The following GALNT7 variants were observed in gnomAD, a reference collection of about 807,000 sequenced individuals.
The protein encoded by GALNT7 is polypeptide N-acetylgalactosaminyltransferase 7.
A neutral mutation model predicts 82.1 loss-of-function variants in GALNT7; 60 were observed. The ratio of observed to expected loss-of-function variants is 0.73; its 90% CI spans 0.59 to 0.91. GALNT7 has a LOEUF of 0.91. Among genes scored for constraint, GALNT7 ranks in the 40% least tolerant of loss-of-function variants. GALNT7 has a pLI of 0.00. For missense variants in GALNT7, 660 were observed against 804.2 expected, an observed-to-expected ratio of 0.82 and a Z score of 2.17; for synonymous variants, 243 against 275.1, an observed-to-expected ratio of 0.88 and a Z score of 1.15.
chr4:173,241,517 T>C (rs1317131906), intron 1 of GALNT7, among the ~76,000 whole-genome samples: 1 of 152,214 alleles, frequency 6.6e-6, no homozygotes, highest in Non-Finnish European at 1.5e-5. Context: ...AATCCTAAGA[T>C]TGGTTAACAA....
intron 2 of GALNT7, among the ~76,000 whole-genome samples, chr4:173,286,092 T>C (rs1353098501): frequency 6.6e-6 from 1 of 152,184 alleles, no homozygotes; most frequent in Non-Finnish European, 1.5e-5. Context: ...CTTTTACATA[T>C]ACCCATAGCT....
At chr4:173,293,076 A>G (rs1029039458) in intron 3 of GALNT7, among the ~76,000 whole-genome samples, 5 of 152,206 alleles carry the variant, frequency 3.3e-5, no homozygotes, top group African/African-American at 4.8e-5. Context: ...ATGAACAAAA[A>G]TCTAAATGTA....
chr4:173,242,566 C>T (rs932807930), intron 1 of GALNT7, among the ~76,000 whole-genome samples: 1 of 152,218 alleles, frequency 6.6e-6, no homozygotes, highest in Non-Finnish European at 1.5e-5. Flanking sequence ...ATTCCTTGAC[C>T]ATGCCCAGCA....
At chr4:173,233,111 C>A (rs1734090502) in intron 1 of GALNT7, among the ~76,000 whole-genome samples, 1 of 152,182 alleles carries the variant, frequency 6.6e-6, no homozygotes, top group South Asian at 2.1e-4. Flanking sequence ...TGTATACATA[C>A]CACATTTTCT....
chr4:173,287,809 T>C (rs918323214), intron 2 of GALNT7, among the ~76,000 whole-genome samples: 1 of 152,200 alleles, frequency 6.6e-6, no homozygotes, highest in Non-Finnish European at 1.5e-5. Flanking sequence ...GGAGAGATTG[T>C]ATTTGGGCAA....
intron 11 of GALNT7, 146 bp from the exon 12 acceptor site, chr4:173,321,434 A>G (rs527497508): frequency 4.9e-6 from 3 of 614,814 alleles, no homozygotes; most frequent in African/African-American, 3.7e-5. Flanking sequence ...AAAACTGACA[A>G]TCAAGAGAAA....
chr4:173,200,916 A>T (rs921015703), intron 1 of GALNT7, among the ~76,000 whole-genome samples: 5 of 152,212 alleles, frequency 3.3e-5, no homozygotes, highest in African/African-American at 1.2e-4. Context: ...GAGATTTATC[A>T]CTGAAAAGAT....
chr4:173,265,312 T>C (rs974074119), intron 2 of GALNT7, among the ~76,000 whole-genome samples: 3 of 152,336 alleles, frequency 2.0e-5, no homozygotes, highest in East Asian at 1.9e-4. Context: ...TTGCCTGACA[T>C]ACTAAGAAGT....
chr4:173,321,510 A>G, intron 11 of GALNT7, 70 bp from the exon 12 acceptor site: 1 of 1,065,044 alleles, frequency 9.4e-7, no homozygotes, highest in Non-Finnish European at 1.4e-6. Context: ...ATGAAAGTCA[A>G]GTGATGATTT....
At chr4:173,184,487 A>AC (rs1157493588) in intron 1 of GALNT7, among the ~76,000 whole-genome samples, 4 of 151,808 alleles carry the variant, frequency 2.6e-5, no homozygotes, top group Non-Finnish European at 5.9e-5. Flanking sequence ...AATCCCAGGC[A>AC]CTCGGCAGGC....
intron 2 of GALNT7, among the ~76,000 whole-genome samples, chr4:173,257,513 C>G (rs759165520): frequency 6.6e-6 from 1 of 152,048 alleles, no homozygotes; most frequent in Non-Finnish European, 1.5e-5. Flanking sequence ...GGCTTAGCAC[C>G]AAAGCCAAGC....
intron 1 of GALNT7, among the ~76,000 whole-genome samples, chr4:173,201,191 T>A (rs374213578): frequency 6.6e-6 from 1 of 152,202 alleles, no homozygotes; most frequent in East Asian, 1.9e-4. Flanking sequence ...ATTTATCTTT[T>A]TTCTCCTGAT....
At chr4:173,294,191 C>CA (rs1042538456) in intron 3 of GALNT7, among the ~76,000 whole-genome samples, 1 of 150,680 alleles carries the variant, frequency 6.6e-6, no homozygotes, top group African/African-American at 2.4e-5. Flanking sequence ...CTTGTATATG[C>CA]AAAAAATCCT....
intron 1 of GALNT7, among the ~76,000 whole-genome samples, chr4:173,241,060 A>G (rs1334136904): frequency 6.6e-6 from 1 of 152,144 alleles, no homozygotes; most frequent in East Asian, 1.9e-4. Flanking sequence ...AATAACTCAA[A>G]GAGTTGATTG....
intron 2 of GALNT7, among the ~76,000 whole-genome samples, chr4:173,281,678 A>G (rs569370783): frequency 3.9e-5 from 6 of 152,258 alleles, no homozygotes; most frequent in African/African-American, 1.2e-4. Flanking sequence ...ACCACCTTCT[A>G]TTGGATAGTC....
intron 8 of GALNT7, among the ~76,000 whole-genome samples, chr4:173,308,373 A>G (rs903357670): frequency 6.6e-6 from 1 of 152,212 alleles, no homozygotes; most frequent in Non-Finnish European, 1.5e-5. Context: ...CTGTGTAGGG[A>G]AATAGTTGAA....
intron 1 of GALNT7, among the ~76,000 whole-genome samples, chr4:173,175,726 G>A (rs1007407747): frequency 3.9e-5 from 6 of 152,192 alleles, no homozygotes; most frequent in African/African-American, 1.4e-4. Flanking sequence ...CAGTGGGTTT[G>A]TTGCAGGGTG....
At chr4:173,235,419 C>T (rs190873530) in intron 1 of GALNT7, among the ~76,000 whole-genome samples, 1 of 152,324 alleles carries the variant, frequency 6.6e-6, no homozygotes, top group African/African-American at 2.4e-5. Flanking sequence ...CATAGGCCTT[C>T]CTTCTACAGG....
chr4:173,182,661 TACACACAC>T (rs60501649), intron 1 of GALNT7, among the ~76,000 whole-genome samples: 57 of 133,532 alleles, frequency 4.3e-4, no homozygotes, highest in African/African-American at 1.6e-3. Flanking sequence ...TTACTCATAA[TACACACAC>T]ACACACACAC....
Sources: gnomAD v4.1 joint callset for allele counts (sites outside exome capture counted in the v4.1 genomes callset) on GRCh38, gnomAD v4.1.1 for gene constraint, MANE v1.5 for transcripts, NCBI Gene and HGNC (gene_info 2026-07-23, HGNC 2026-07-21) for gene names.